The following BCAS3 variants were observed in gnomAD, a reference collection of about 807,000 sequenced individuals.
BCAS3 encodes the protein BCAS4/BCAS3 fusion.
Under a neutral mutation model 116.1 loss-of-function variants are expected in BCAS3, and 53 were observed. That is an observed-to-expected ratio of 0.46 (90% CI 0.37 to 0.57). BCAS3 has a LOEUF of 0.57. Ranked by LOEUF, BCAS3 falls within the 20% of genes least tolerant of loss-of-function variation. BCAS3 has a pLI of 0.00. For missense variants in BCAS3, 917 were observed against 1,165.4 expected, an observed-to-expected ratio of 0.79 and a Z score of 3.10; for synonymous variants, 391 against 408.2, an observed-to-expected ratio of 0.96 and a Z score of 0.51.
intron 6 of BCAS3, among the ~76,000 whole-genome samples, chr17:60,759,909 C>G (rs947428618): frequency 1.3e-5 from 2 of 152,184 alleles, no homozygotes; most frequent in African/African-American, 4.8e-5. Context: ...TAAAGTGGTT[C>G]TCCCACCTTA....
At chr17:61,094,799 G>A (rs940990106) in intron 22 of BCAS3, among the ~76,000 whole-genome samples, 7 of 152,076 alleles carry the variant, frequency 4.6e-5, no homozygotes, top group African/African-American at 1.4e-4. Flanking sequence ...AGCCAAGATC[G>A]TGCCATTGCA....
At chr17:61,163,410 C>G (rs530432676) in intron 22 of BCAS3, among the ~76,000 whole-genome samples, 1 of 145,152 alleles carries the variant, frequency 6.9e-6, no homozygotes, top group East Asian at 2.0e-4. Context: ...GGCGACAGAG[C>G]GAGACTCCGT....
chr17:61,163,316 G>C (rs1017883242), intron 22 of BCAS3, among the ~76,000 whole-genome samples: 11 of 81,172 alleles, frequency 1.4e-4, no homozygotes, highest in East Asian at 5.0e-4. Context: ...CCCAGCTACT[G>C]GGGAGGCTGA....
rs1013657185 is a variant in BCAS3, at chr17:61,302,322, C to T, written c.2426-66005C>T. On this transcript the variant is annotated intron_variant, in intron 22 of 23. Transcript: ENST00000407086. This position sits in a 1 kb window ranked among gnomAD's most constrained non-coding sequence, Gnocchi z 4.4. Reference sequence around the variant, plus strand: ...ATGTCTTATTCTCCAGAGACGACTTCAAGTATTCAGCAATAACTCATGTCC... The same window carrying T: ...ATGTCTTATTCTCCAGAGACGACTTTAAGTATTCAGCAATAACTCATGTCC... Among the ~76,000 whole-genome samples, 1 of 152,194 alleles carries T rather than the reference C, an allele frequency of 6.6e-6. No individual in the cohort carries two copies. Among genetic ancestry groups the T allele is most frequent in the Non-Finnish European group, 1.5e-5 (1 of 68,040 alleles).
Position 61,239,886 on chromosome 17 carries a change from A to G in BCAS3, c.2426-128441A>G, listed in dbSNP as rs574262741. 1.3e-5 allele frequency among the ~76,000 whole-genome samples: 2 copies of G among 152,316 alleles called. No individual in the cohort carries two copies. Among genetic ancestry groups the G allele is most frequent in the East Asian group, 1.9e-4 (1 of 5,188 alleles). ...TTACAACTTGACCTTTTAAATGTGA[A>G]TATATTTTTTTAAAAGAACACTCAG... On this transcript the variant is annotated intron_variant, in intron 22 of 23. Transcript: ENST00000407086. The surrounding 1 kb of genome is among the most constrained non-coding windows in gnomAD (Gnocchi z 4.2).
At chr17:60,811,396 C>T (rs2048802656) in intron 7 of BCAS3, 2 of 615,412 alleles carry the variant, frequency 3.2e-6, no homozygotes, top group Admixed American at 4.0e-5. Flanking sequence ...AGAAGACCAC[C>T]TCTCCCAGGA....
intron 19 of BCAS3, among the ~76,000 whole-genome samples, chr17:61,053,496 G>T (rs1046816180): frequency 6.6e-6 from 1 of 152,182 alleles, no homozygotes; most frequent in Non-Finnish European, 1.5e-5. Context: ...GTTTTCTACC[G>T]TGGATATTGT....
At position 60,831,635 on chromosome 17, in the gene BCAS3, T is replaced by G. The variant is rs534499854; in HGVS notation, c.476+23559T>G. Among the ~76,000 whole-genome samples the G allele has an allele frequency of 9.2e-5, 14 of 152,256 alleles. No individual in the cohort carries two copies. In the South Asian group the frequency reaches 2.7e-3, roughly 29 times the overall value. The stretch of plus-strand genomic sequence containing the variant: ...AACAGTTATTGTGAGATGACTGGCA[T>G]GTTAATTAGAGCCTCCCTACGTGTG... On this transcript the variant is annotated intron_variant, in intron 7 of 23. Coordinates refer to ENST00000407086, the MANE Select transcript of BCAS3 (RefSeq NM_017679.5).
intron 10 of BCAS3, among the ~76,000 whole-genome samples, chr17:60,898,295 A>G (rs2057644322): frequency 6.6e-6 from 1 of 152,118 alleles, no homozygotes; most frequent in East Asian, 1.9e-4. Flanking sequence ...GTGTCTTTAC[A>G]TTGATATTTG....
At chr17:61,133,913 A>G (rs2076479122) in intron 22 of BCAS3, among the ~76,000 whole-genome samples, 1 of 150,378 alleles carries the variant, frequency 6.6e-6, no homozygotes, top group South Asian at 2.1e-4. Flanking sequence ...TTGATTCCTT[A>G]CTGTGTAATC....
chr17:60,811,596 A>G (rs1003899553), intron 7 of BCAS3: 5 of 330,806 alleles, frequency 1.5e-5, no homozygotes, highest in South Asian at 5.6e-5. Flanking sequence ...TAAAGCAGCT[A>G]TTATAAATGT....
Position 60,874,732 on chromosome 17 carries a change from G to A in BCAS3, c.655G>A (p.Val219Ile). ...DSCTFTKKFF[V>I]TSCYPCPGPN... Reference sequence around the variant, plus strand: ...CTGTACTTTCACGAAGAAATTCTTTGTTACAAGTATGTACCAATTTTTTTT... The same window carrying A: ...CTGTACTTTCACGAAGAAATTCTTTATTACAAGTATGTACCAATTTTTTTT... Residue 219 changes from valine (V) to isoleucine (I), a missense_variant, in exon 9 of 24, where the codon GTT becomes ATT. Around this residue, in one of 3 missense-constraint regions of BCAS3, gnomAD observed 807 missense variants for 1,026.0 expected, o/e 0.79. Transcript: ENST00000407086. 1.9e-6 allele frequency: 3 copies of A among 1,606,376 alleles called. No individual in the cohort carries two copies. The highest frequency in any genetic ancestry group is 2.6e-6 in the Non-Finnish European group (3 of 1,175,928).
chr17:60,841,695 T>G (rs74257525), intron 7 of BCAS3, among the ~76,000 whole-genome samples: 4,572 of 151,990 alleles, frequency 0.03, 177 homozygotes, highest in East Asian at 0.092. Flanking sequence ...TCTCATAGTT[T>G]CTATGGGTTA....
intron 22 of BCAS3, among the ~76,000 whole-genome samples, chr17:61,221,923 G>C (rs1486797848): frequency 1.3e-5 from 2 of 152,198 alleles, no homozygotes; most frequent in African/African-American, 2.4e-5. Context: ...ATTACATTGA[G>C]AATTCTAACT....
chr17:60,790,492 C>T (rs1242669232), intron 6 of BCAS3, among the ~76,000 whole-genome samples: 34 of 152,064 alleles, frequency 2.2e-4, no homozygotes, highest in Admixed American at 2.1e-3. Context: ...ATATTATGGA[C>T]TGTGGGCCTG....
chr17:60,928,483 T>C (rs2059477280), intron 13 of BCAS3, among the ~76,000 whole-genome samples: 1 of 152,218 alleles, frequency 6.6e-6, no homozygotes, highest in Non-Finnish European at 1.5e-5. Context: ...ATTTTATAAA[T>C]CCTTCATGCC....
chr17:60,714,123 T>C (rs1054626280), intron 5 of BCAS3, among the ~76,000 whole-genome samples: 6 of 152,010 alleles, frequency 3.9e-5, no homozygotes, highest in East Asian at 3.9e-4. Flanking sequence ...AGGCGTGAGC[T>C]ACCGTGCCTG....
chr17:61,189,909 A>G lies in BCAS3; in HGVS notation c.2425+105345A>G, dbSNP rs183810766. Among the ~76,000 whole-genome samples the G allele has an allele frequency of 6.6e-6, 1 of 152,300 alleles. No homozygotes were observed. The highest frequency in any genetic ancestry group is 1.9e-4 in the East Asian group (1 of 5,184). The stretch of plus-strand genomic sequence containing the variant: ...TATAGCTATGGAAGGTGAAAGGGAA[A>G]GTATGCAGAGTGAGAAAAATCGTGG... On this transcript the variant is annotated intron_variant, in intron 22 of 23. Transcript: ENST00000407086. This position sits in a 1 kb window ranked among gnomAD's most constrained non-coding sequence, Gnocchi z 4.5.
chr17:61,259,978 A>G lies in BCAS3; in HGVS notation c.2426-108349A>G, dbSNP rs2049060567. Among the ~76,000 whole-genome samples the G allele has an allele frequency of 6.6e-6, 1 of 152,238 alleles. No individual in the cohort carries two copies. Among genetic ancestry groups the G allele is most frequent in the African/African-American group, 2.4e-5 (1 of 41,456 alleles). ...GTAGGCGTTGTACAGGCTGCCTAAC[A>G]TAGTTTTTTATTAATCCTCACAACA... On this transcript the variant is annotated intron_variant, in intron 22 of 23. Coordinates refer to ENST00000407086, the MANE Select transcript of BCAS3 (RefSeq NM_017679.5). The surrounding 1 kb of genome is among the most constrained non-coding windows in gnomAD (Gnocchi z 4.7).
Sources: allele counts gnomAD v4.1 joint callset (sites outside exome capture counted in the v4.1 genomes callset), GRCh38; gene constraint gnomAD v4.1.1; regional missense constraint gnomAD v4.1.1; non-coding constraint Gnocchi (gnomAD v3.1); transcripts MANE v1.5; gene names NCBI Gene and HGNC (gene_info 2026-07-23, HGNC 2026-07-21).